The following RAF1 variants were observed in gnomAD, a reference collection of about 807,000 sequenced individuals.
RAF1 encodes Raf-1 proto-oncogene, serine/threonine kinase, also known as RAF proto-oncogene serine/threonine-protein kinase.
RAF1 carries 27 observed loss-of-function variants against 81.1 expected under a neutral mutation model. The ratio of observed to expected loss-of-function variants is 0.33; its 90% confidence interval spans 0.25 to 0.46. The LOEUF is 0.46. Ranked by LOEUF, RAF1 falls within the 20% of genes least tolerant of loss-of-function variation. The probability of loss-of-function intolerance (pLI) is 1.00; values close to 1 mark genes in which losing one functional copy is unlikely to be tolerated. For synonymous variants in RAF1, 298 were observed against 294.0 expected (o/e 1.01, Z -0.14); for missense variants, 598 against 826.0 (o/e 0.72, Z 3.38).
intron 1 of RAF1, among the ~76,000 whole-genome samples, chr3:12,659,454 A>T (rs2060808331): frequency 6.7e-6 from 1 of 150,090 alleles, no homozygotes; most frequent in South Asian, 2.1e-4. Context: ...AATTACACGC[A>T]AGATAAGTTA....
At chr3:12,604,710 G>A (rs910645465) in intron 6 of RAF1, among the ~76,000 whole-genome samples, 8 of 152,150 alleles carry the variant, frequency 5.3e-5, no homozygotes. Flanking sequence ...TAGACGTGCT[G>A]AGCATGTCTG....
intron 3 of RAF1, among the ~76,000 whole-genome samples, chr3:12,611,390 A>T (rs752303925): frequency 9.9e-5 from 15 of 152,006 alleles, no homozygotes; most frequent in Non-Finnish European, 1.8e-4. Flanking sequence ...GCTAATTTTT[A>T]AAAATCTTTT....
Position 12,623,439 on chromosome 3 carries a change from T to C in RAF1, c.-26-4692A>G, listed in dbSNP as rs116752356. Reference sequence around the variant, plus strand: ...CACCTACTTTATTTAATTCAAGTTTTAGATTATTTGTCATTCATAGTATTT... The same window carrying C: ...CACCTACTTTATTTAATTCAAGTTTCAGATTATTTGTCATTCATAGTATTT... On this transcript the variant is annotated intron_variant, in intron 1 of 17. Transcript: ENST00000442415. Among the ~76,000 whole-genome samples, 740 of 152,374 alleles carry C rather than the reference T, an allele frequency of 4.9e-3. 1 individual carries two copies. The highest frequency in any genetic ancestry group is 7.7e-3 in the Admixed American group (118 of 15,310).
At chr3:12,644,856 T>C (rs1415097251) in intron 1 of RAF1, among the ~76,000 whole-genome samples, 1 of 151,990 alleles carries the variant, frequency 6.6e-6, no homozygotes, top group Admixed American at 6.6e-5. Flanking sequence ...TCCCAGCACT[T>C]TGGGAGGCAG....
intron 14 of RAF1, chr3:12,586,860 C>T (rs2058348861): frequency 1.3e-5 from 2 of 152,152 alleles, no homozygotes; most frequent in Non-Finnish European, 1.5e-5. Flanking sequence ...TTTTGAGACA[C>T]AGCCTTGCTC....
intron 1 of RAF1, among the ~76,000 whole-genome samples, chr3:12,636,514 T>G (rs13060691): frequency 0.12 from 18,393 of 150,032 alleles, 1,355 homozygotes; most frequent in Admixed American, 0.2. Flanking sequence ...AAAGGGACAT[T>G]TGCTACACTG....
intron 1 of RAF1, among the ~76,000 whole-genome samples, chr3:12,622,055 T>A (rs1342290194): frequency 6.6e-6 from 1 of 152,150 alleles, no homozygotes. Flanking sequence ...CAGAACAAGA[T>A]CTCGCTGCCT....
intron 1 of RAF1, among the ~76,000 whole-genome samples, chr3:12,626,953 G>A (rs186250543): frequency 6.6e-6 from 1 of 150,698 alleles, no homozygotes; most frequent in African/African-American, 2.4e-5. Context: ...GAACCCAGGA[G>A]GCAGAGGTTA....
intron 11 of RAF1, among the ~76,000 whole-genome samples, chr3:12,597,299 A>ACT (rs2058716217): frequency 6.6e-6 from 1 of 152,138 alleles, no homozygotes; most frequent in African/African-American, 2.4e-5. Context: ...TTGAAAGCTC[A>ACT]CTCTATTGAG....
chr3:12,603,591 A>C, intron 7 of RAF1: 1 of 675,100 alleles, frequency 1.5e-6, no homozygotes, highest in Non-Finnish European at 2.7e-6. Context: ...GAAGTATTTA[A>C]GTGTATTCAG....
chr3:12,603,555 GAAATAAAGAA>G (rs1009335627), intron 7 of RAF1: 1 of 695,676 alleles, frequency 1.4e-6, no homozygotes, highest in African/African-American at 1.8e-5. Flanking sequence ...AAAGCAATGA[GAAATAAAGAA>G]GAATAAAGAA....
At chr3:12,618,981 C>T (rs1388021416) in intron 1 of RAF1, among the ~76,000 whole-genome samples, 1 of 152,198 alleles carries the variant, frequency 6.6e-6, no homozygotes. Context: ...CACGGTGGCT[C>T]ACGCCTGTAA....
intron 1 of RAF1, among the ~76,000 whole-genome samples, chr3:12,632,166 A>C (rs757309523): frequency 6.6e-6 from 1 of 152,106 alleles, no homozygotes; most frequent in East Asian, 1.9e-4. Flanking sequence ...TCTACTAAAA[A>C]TACAGAAATT....
chr3:12,645,751 G>A (rs1378267302), intron 1 of RAF1, among the ~76,000 whole-genome samples: 1 of 152,018 alleles, frequency 6.6e-6, no homozygotes. Context: ...TAGAGGTGGG[G>A]TGGGGTGAGG....
In RAF1 at chr3:12,584,902, C is replaced by T; in HGVS notation, c.1808G>A (p.Arg603Lys). The T allele has an allele frequency of 6.2e-7, 1 of 1,614,196 alleles. No individual in the cohort carries two copies. Among genetic ancestry groups the T allele is most frequent in the Non-Finnish European group, 8.5e-7 (1 of 1,180,046 alleles). Residue 603 changes from arginine (R) to lysine (K), a missense_variant, in exon 17 of 18, where the codon AGG (arginine) becomes AAG (lysine). By Grantham distance (26) the Arg-to-Lys change is conservative. This residue lies in a region of RAF1 where 147 missense variants were observed against 196.1 expected (regional missense o/e 0.75). Transcript: ENST00000442415. ...TTTCTTCACACAGTCAGCTACCAGC[C>T]TCTTCATTGCTTTGGGGCAGTTCTT...
chr3:12,633,834 C>G (rs1559467289), intron 1 of RAF1, among the ~76,000 whole-genome samples: 1 of 149,576 alleles, frequency 6.7e-6, no homozygotes, highest in African/African-American at 2.5e-5. Flanking sequence ...ACTTGGGAGG[C>G]TGAGGCAGGA....
chr3:12,657,747 G>A (rs1181611274), intron 1 of RAF1, among the ~76,000 whole-genome samples: 1 of 151,422 alleles, frequency 6.6e-6, no homozygotes, highest in East Asian at 1.9e-4. Flanking sequence ...CTCCAGCCTG[G>A]GCAACAAGAG....
chr3:12,645,097 C>CAAAAAA (rs11401342), intron 1 of RAF1, among the ~76,000 whole-genome samples: 5 of 65,022 alleles, frequency 7.7e-5, no homozygotes, highest in African/African-American at 2.0e-4. Context: ...GACTCAGTCT[C>CAAAAAA]AAAAAAAAAA....
chr3:12,655,853 T>C (rs1158166363), intron 1 of RAF1, among the ~76,000 whole-genome samples: 2 of 151,770 alleles, frequency 1.3e-5, no homozygotes, highest in African/African-American at 4.8e-5. Context: ...TCCCCTTACA[T>C]GAGGTACCTG....
Sources: allele counts gnomAD v4.1 joint callset (sites outside exome capture counted in the v4.1 genomes callset), GRCh38; gene constraint gnomAD v4.1.1; regional missense constraint gnomAD v4.1.1; transcripts MANE v1.5; gene names NCBI Gene and HGNC (gene_info 2026-07-23, HGNC 2026-07-21).